The following RAB27B variants were observed in gnomAD, a reference collection of about 807,000 sequenced individuals.
The protein encoded by RAB27B is ras-related protein Rab-27B.
In RAB27B, 15 loss-of-function variants were observed where a neutral mutation model predicts 24.6. The ratio of observed to expected loss-of-function variants is 0.61; its 90% CI spans 0.41 to 0.94. The LOEUF (loss-of-function observed/expected upper bound fraction) is 0.94, where lower values mean the gene tolerates loss of function less well. Ranked by LOEUF, RAB27B falls within the 40% of genes least tolerant of loss-of-function variation. RAB27B has a pLI of 0.00. For synonymous variants in RAB27B, 105 were observed against 92.5 expected (o/e 1.14, Z -0.78); for missense variants, 261 against 266.8 (o/e 0.98, Z 0.15).
intron 1 of RAB27B, among the ~76,000 whole-genome samples, chr18:54,864,506 C>CT (rs1223528471): frequency 1.4e-5 from 2 of 146,686 alleles, no homozygotes; most frequent in Admixed American, 1.3e-4. Flanking sequence ...ATTTTTTTTT[C>CT]TTTTTTTGAG....
intron 2 of RAB27B, among the ~76,000 whole-genome samples, chr18:54,751,871 A>G (rs937835595): frequency 2.0e-5 from 3 of 152,220 alleles, no homozygotes; most frequent in African/African-American, 7.2e-5. Context: ...CCAGGAAACT[A>G]TAGAAAATAC....
At chr18:54,881,110 G>C (rs965400954) in intron 3 of RAB27B, among the ~76,000 whole-genome samples, 9 of 152,114 alleles carry the variant, frequency 5.9e-5, no homozygotes, top group Non-Finnish European at 1.3e-4. Context: ...ATGTAGCTTT[G>C]GGGTCTGTTT....
intron 2 of RAB27B, among the ~76,000 whole-genome samples, chr18:54,821,326 C>A (rs1312502633): frequency 6.6e-6 from 1 of 152,200 alleles, no homozygotes; most frequent in Non-Finnish European, 1.5e-5. Flanking sequence ...ATCCAACTTA[C>A]AAGGGACCTG....
chr18:54,865,237 T>TTTTGTGTGTG (rs146590864), intron 1 of RAB27B, among the ~76,000 whole-genome samples: 2 of 143,392 alleles, frequency 1.4e-5, no homozygotes, highest in Admixed American at 7.0e-5. Context: ...CAATGGCCTT[T>TTTTGTGTGTG]TGTGTGTGTG....
chr18:54,765,428 C>T (rs1230617825), intron 2 of RAB27B, among the ~76,000 whole-genome samples: 1 of 152,166 alleles, frequency 6.6e-6, no homozygotes, highest in African/African-American at 2.4e-5. Flanking sequence ...GTGCTGTTCC[C>T]TAACCCAGAA....
intron 2 of RAB27B, among the ~76,000 whole-genome samples, chr18:54,733,041 T>A (rs1022383515): frequency 1.3e-5 from 2 of 151,934 alleles, no homozygotes; most frequent in South Asian, 2.1e-4. Context: ...GTAAATGAAG[T>A]CTTTTTATTT....
intron 2 of RAB27B, among the ~76,000 whole-genome samples, chr18:54,816,488 A>G (rs991804664): frequency 6.6e-6 from 1 of 152,222 alleles, no homozygotes; most frequent in Admixed American, 6.5e-5. Flanking sequence ...ATATTTTTCT[A>G]ATTTATTGAA....
At chr18:54,872,320 T>C (rs1912503378) in intron 1 of RAB27B, among the ~76,000 whole-genome samples, 1 of 152,080 alleles carries the variant, frequency 6.6e-6, no homozygotes, top group East Asian at 1.9e-4. Flanking sequence ...CTTGTGCAAC[T>C]TAAGATAGAA....
chr18:54,881,088 G>C (rs985071991), intron 3 of RAB27B, among the ~76,000 whole-genome samples: 8 of 152,248 alleles, frequency 5.3e-5, no homozygotes, highest in African/African-American at 1.9e-4. Flanking sequence ...CCAGTGAGGG[G>C]GAGGAGTGAT....
chr18:54,760,442 T>G (rs1272610710), intron 2 of RAB27B, among the ~76,000 whole-genome samples: 2 of 152,140 alleles, frequency 1.3e-5, no homozygotes, highest in African/African-American at 4.8e-5. Context: ...CTGAGTGAGG[T>G]GAAATGCTAT....
At chr18:54,785,008 C>T (rs1055169206) in intron 2 of RAB27B, among the ~76,000 whole-genome samples, 1 of 152,190 alleles carries the variant, frequency 6.6e-6, no homozygotes. Context: ...GCCCCCTCCC[C>T]TTGGTGTATG....
At chr18:54,772,394 G>A (rs776345285) in intron 2 of RAB27B, among the ~76,000 whole-genome samples, 2 of 152,182 alleles carry the variant, frequency 1.3e-5, no homozygotes, top group Non-Finnish European at 2.9e-5. Flanking sequence ...TGAAGACTGG[G>A]AATTAGAGCT....
At chr18:54,762,848 T>C (rs11872772) in intron 2 of RAB27B, among the ~76,000 whole-genome samples, 8,480 of 152,252 alleles carry the variant, frequency 0.056, 304 homozygotes, top group Admixed American at 0.085. Context: ...TCCTCCAGTT[T>C]GCAGGCTCTG....
At chr18:54,859,065 T>C (rs1672497575) in intron 1 of RAB27B, among the ~76,000 whole-genome samples, 1 of 152,178 alleles carries the variant, frequency 6.6e-6, no homozygotes, top group Non-Finnish European at 1.5e-5. Context: ...TGCCATATTT[T>C]TTCCTGGCCA....
At chr18:54,835,582 G>C (rs1293993097) in intron 1 of RAB27B, among the ~76,000 whole-genome samples, 1 of 151,898 alleles carries the variant, frequency 6.6e-6, no homozygotes, top group African/African-American at 2.4e-5. Context: ...GGAAAAAATT[G>C]CTGTAACGAA....
chr18:54,833,031 T>TAAA, intron 1 of RAB27B, among the ~76,000 whole-genome samples: 1 of 152,116 alleles, frequency 6.6e-6, no homozygotes, highest in East Asian at 1.9e-4. Context: ...AACAGATGAA[T>TAAA]AAAGGAAACA....
chr18:54,740,417 C>A lies in RAB27B; in HGVS notation c.-20+22276C>A, dbSNP rs537384894. On this transcript the variant is annotated intron_variant, in intron 2 of 4. Transcript: ENST00000586570. ...ATTTTAGTATTCAGACCATTTTTTCCAACACAAATTTCCAGAACCTATTTT... is the reference window on the plus strand; with the variant it reads ...ATTTTAGTATTCAGACCATTTTTTCAAACACAAATTTCCAGAACCTATTTT... 5.8e-4 allele frequency among the ~76,000 whole-genome samples: 89 copies of A among 152,142 alleles called. 1 individual carries two copies. The highest frequency in any genetic ancestry group is 2.1e-3 in the African/African-American group (88 of 41,538).
At chr18:54,875,031 T>C (rs1451248699) in intron 1 of RAB27B, among the ~76,000 whole-genome samples, 2 of 152,042 alleles carry the variant, frequency 1.3e-5, no homozygotes, top group Non-Finnish European at 2.9e-5. Context: ...CCTGGTAAAA[T>C]ATTTTACCAG....
At chr18:54,751,516 T>C (rs1430322072) in intron 2 of RAB27B, among the ~76,000 whole-genome samples, 1 of 152,144 alleles carries the variant, frequency 6.6e-6, no homozygotes, top group Non-Finnish European at 1.5e-5. Flanking sequence ...TTAAATAGAC[T>C]TGGGGGTCAC....
Sources: allele counts gnomAD v4.1 joint callset (sites outside exome capture counted in the v4.1 genomes callset), GRCh38; gene constraint gnomAD v4.1.1; transcripts MANE v1.5; gene names NCBI Gene and HGNC (gene_info 2026-07-23, HGNC 2026-07-21).